GREB1L: variants seen among roughly 807,000 people sequenced by gnomAD.
GREB1L encodes GREB1 like retinoic acid receptor coactivator.
GREB1L carries 17 observed loss-of-function variants against 200.8 expected under a neutral mutation model. The observed-to-expected ratio is 0.08, with a 90% CI of 0.06 to 0.13. The LOEUF is 0.13. GREB1L is among the 10% of genes least tolerant of loss of function. GREB1L has a pLI of 1.00. For missense variants in GREB1L, 1,657 were observed against 2,367.7 expected (o/e 0.70, Z 6.23); for synonymous variants, 789 against 893.0 (o/e 0.88, Z 2.08).
intron 7 of GREB1L, among the ~76,000 whole-genome samples, chr18:21,437,930 G>A (rs1206947744): frequency 6.6e-6 from 1 of 152,190 alleles, no homozygotes; most frequent in Non-Finnish European, 1.5e-5. Flanking sequence ...TTGGCTATAT[G>A]CGGTGGCTCA....
intron 1 of GREB1L, among the ~76,000 whole-genome samples, chr18:21,350,912 C>T (rs1156967475): frequency 6.6e-6 from 1 of 152,154 alleles, no homozygotes; most frequent in African/African-American, 2.4e-5. Flanking sequence ...CCCCATACCC[C>T]ATATTCCTGG....
chr18:21,458,553 A>G (rs1278881795), intron 15 of GREB1L, among the ~76,000 whole-genome samples: 1 of 152,210 alleles, frequency 6.6e-6, no homozygotes, highest in African/African-American at 2.4e-5. Context: ...CATGGCTGAA[A>G]GTAAAAGGAT....
rs562172785 is a variant in GREB1L at position 21,414,537 on chromosome 18, T to C, written c.832+10543T>C. Among the ~76,000 whole-genome samples the C allele has an allele frequency of 7.2e-4, 110 of 152,310 alleles. 1 individual carries two copies. The South Asian group carries it at 0.013, about 18-fold the overall frequency. Reference sequence around the variant, plus strand: ...TGTAGAAATAAAGGCCAATACCTAATGTAGGCAAGTTCAAGATACAGGTAG... The same window carrying C: ...TGTAGAAATAAAGGCCAATACCTAACGTAGGCAAGTTCAAGATACAGGTAG... On this transcript the variant is annotated intron_variant, in intron 7 of 32. Transcript: ENST00000424526.
intron 15 of GREB1L, among the ~76,000 whole-genome samples, chr18:21,462,696 C>T (rs771015485): frequency 1.2e-4 from 18 of 152,134 alleles, no homozygotes; most frequent in Non-Finnish European, 2.4e-4. Context: ...GTGATCCACC[C>T]GCCTTGGCCT....
intron 4 of GREB1L, among the ~76,000 whole-genome samples, chr18:21,388,719 T>C (rs1370259550): frequency 2.0e-5 from 3 of 151,898 alleles, no homozygotes; most frequent in African/African-American, 7.3e-5. Flanking sequence ...TAATTTTTTG[T>C]ATTTTTAGTA....
chr18:21,508,830 C>A (rs1452540369), intron 27 of GREB1L: 2 of 536,970 alleles, frequency 3.7e-6, no homozygotes, highest in Non-Finnish European at 3.3e-6. Flanking sequence ...GAAGAAGTCA[C>A]TGGTGTACTG....
intron 23 of GREB1L, among the ~76,000 whole-genome samples, chr18:21,501,983 C>T (rs963692981): frequency 6.6e-6 from 1 of 152,126 alleles, no homozygotes; most frequent in Non-Finnish European, 1.5e-5. Context: ...GGCACTGGCA[C>T]GGTGCAGTAG....
At chr18:21,398,008 T>TA (rs1169594055) in intron 5 of GREB1L, among the ~76,000 whole-genome samples, 5 of 152,256 alleles carry the variant, frequency 3.3e-5, no homozygotes, top group Non-Finnish European at 7.3e-5. Context: ...CATCTAATGA[T>TA]AAACAGTTCA....
intron 15 of GREB1L, among the ~76,000 whole-genome samples, chr18:21,461,338 G>C (rs1598879854): frequency 6.6e-6 from 1 of 151,966 alleles, no homozygotes; most frequent in Non-Finnish European, 1.5e-5. Context: ...CGTTCCATCA[G>C]TGTCAACCTG....
chr18:21,308,518 T>A (rs1329827072), intron 1 of GREB1L, among the ~76,000 whole-genome samples: 1 of 152,224 alleles, frequency 6.6e-6, no homozygotes, highest in Admixed American at 6.5e-5. Context: ...GTCATCATCG[T>A]CATTGGTCCA....
At chr18:21,376,239 C>A (rs996462864) in intron 2 of GREB1L, among the ~76,000 whole-genome samples, 4 of 151,880 alleles carry the variant, frequency 2.6e-5, no homozygotes, top group African/African-American at 9.7e-5. Flanking sequence ...CTGCCTCAGC[C>A]TCCCAAGTAG....
chr18:21,376,442 G>T (rs1412016980), intron 2 of GREB1L, among the ~76,000 whole-genome samples: 2 of 144,004 alleles, frequency 1.4e-5, no homozygotes, highest in Non-Finnish European at 3.0e-5. Context: ...AAAAAAAAAA[G>T]CAAAAACAAA....
chr18:21,426,958 C>CAAAAAAA (rs568993346), intron 7 of GREB1L, among the ~76,000 whole-genome samples: 19 of 68,422 alleles, frequency 2.8e-4, no homozygotes, highest in African/African-American at 7.2e-4. Flanking sequence ...GACTACGTCT[C>CAAAAAAA]AAAAAAAAAA....
chr18:21,523,214 G>C lies in GREB1L; in HGVS notation c.*393G>C, dbSNP rs1375452371. 1 of 156,236 alleles carries C rather than the reference G, an allele frequency of 6.4e-6. No individual in the cohort carries two copies. The highest frequency in any genetic ancestry group is 1.4e-5 in the Non-Finnish European group (1 of 70,900). The allele number at this position is 156,236 out of a possible 1,614,324, so 9.7% of individuals were successfully genotyped here. On this transcript the variant is annotated 3_prime_UTR_variant, in exon 33 of 33. Coordinates refer to ENST00000424526, the MANE Select transcript of GREB1L (RefSeq NM_001142966.3). ...TGTGTTACATGAGACTCATGCCATT[G>C]GTGTGGAATCAATTGAAGATTAACG...
chr18:21,432,639 G>A (rs940734889), intron 7 of GREB1L, among the ~76,000 whole-genome samples: 1 of 146,828 alleles, frequency 6.8e-6, no homozygotes, highest in African/African-American at 2.5e-5. Context: ...ATTTGTTCAG[G>A]TGTATATTCA....
intron 1 of GREB1L, among the ~76,000 whole-genome samples, chr18:21,363,276 G>GCCCCCCCCCCCCCC (rs1208167958): frequency 2.5e-4 from 1 of 4,010 alleles, no homozygotes; most frequent in African/African-American, 1.1e-3. Flanking sequence ...CCCCCACTCC[G>GCCCCCCCCCCCCCC]CCTCCCCCCC....
chr18:21,432,614 A>G (rs2033240394), intron 7 of GREB1L, among the ~76,000 whole-genome samples: 2 of 150,102 alleles, frequency 1.3e-5, no homozygotes, highest in African/African-American at 4.9e-5. Context: ...GCTCAGAAGC[A>G]TGGTATGTCT....
intron 1 of GREB1L, among the ~76,000 whole-genome samples, chr18:21,293,696 C>A (rs2038485146): frequency 6.6e-6 from 1 of 152,180 alleles, no homozygotes; most frequent in Non-Finnish European, 1.5e-5. Context: ...TACAAAGTCA[C>A]TATAGTTAGA....
chr18:21,412,573 A>C (rs1294121105), intron 7 of GREB1L, among the ~76,000 whole-genome samples: 1 of 152,226 alleles, frequency 6.6e-6, no homozygotes, highest in Non-Finnish European at 1.5e-5. Context: ...CATTTCTATT[A>C]CATTAAAGAA....
Sources: allele counts gnomAD v4.1 joint callset (sites outside exome capture counted in the v4.1 genomes callset), GRCh38; gene constraint gnomAD v4.1.1; transcripts MANE v1.5; gene names NCBI Gene and HGNC (gene_info 2026-07-23, HGNC 2026-07-21).